SUZ12: variants seen among roughly 807,000 people sequenced by gnomAD.
SUZ12 encodes SUZ12 polycomb repressive complex 2 subunit.
In SUZ12, 17 loss-of-function variants were observed where a neutral mutation model predicts 87.3. The ratio of observed to expected loss-of-function variants is 0.19; its 90% CI spans 0.13 to 0.29. SUZ12 has a LOEUF of 0.29. Ranked by LOEUF, SUZ12 falls within the 10% of genes least tolerant of loss-of-function variation. The probability of loss-of-function intolerance (pLI) is 1.00; values close to 1 mark genes in which losing one functional copy is unlikely to be tolerated. For synonymous variants in SUZ12, 253 were observed against 312.4 expected (o/e 0.81, Z 2.01); for missense variants, 526 against 912.2 (o/e 0.58, Z 5.45).
In SUZ12 at chr17:32,001,007, T is replaced by G; in HGVS notation, c.*2004T>G. On this transcript the variant is annotated 3_prime_UTR_variant, in exon 16 of 16. Transcript: ENST00000322652. ...AAATGTTTATTTGAAATCAAATGAT[T>G]TTGTACATAAAGTTCAATAATATAA... is the stretch of plus-strand genomic sequence containing the variant. The G allele has an allele frequency of 4.8e-6, 1 of 207,540 alleles. No homozygotes were observed. Among genetic ancestry groups the G allele is most frequent in the Non-Finnish European group, 9.8e-6 (1 of 101,676 alleles). 12.9% of individuals were successfully genotyped at this position (207,540 alleles called of 1,614,324 possible).
chr17:31,997,666 C>CAAAAAAAAAAAAAAAAAAAAA (rs892389046), intron 15 of SUZ12, among the ~76,000 whole-genome samples: 4 of 70,406 alleles, frequency 5.7e-5, no homozygotes, highest in African/African-American at 1.9e-4. Context: ...ACCCTATCTC[C>CAAAAAAAAAAAAAAAAAAAAA]AAAAAAAAAA....
chr17:31,951,661 A>G (rs1361896124), intron 4 of SUZ12, among the ~76,000 whole-genome samples: 2 of 151,736 alleles, frequency 1.3e-5, no homozygotes, highest in Admixed American at 6.6e-5. Context: ...TATTTTTAGT[A>G]GAGACGGGGT....
intron 12 of SUZ12, 96 bp from the exon 13 acceptor site, chr17:31,994,468 T>C: frequency 4.1e-6 from 5 of 1,227,466 alleles, no homozygotes; most frequent in Non-Finnish European, 5.3e-6. Flanking sequence ...ATTTTAGTTT[T>C]CTAAATATTA....
chr17:31,944,802 G>T (rs1368691021), intron 3 of SUZ12, among the ~76,000 whole-genome samples: 1 of 152,150 alleles, frequency 6.6e-6, no homozygotes, highest in Middle Eastern at 3.4e-3. Flanking sequence ...TTTGTCCTGG[G>T]TGCAAGATTA....
chr17:31,999,489 A>G lies in SUZ12; in HGVS notation c.*486A>G. ...AATTGAAGGATTTTTATGAAATTAT[A>G]TTGCATTACTATTTGCAGTCAAACT... is the stretch of plus-strand genomic sequence containing the variant. On this transcript the variant is annotated 3_prime_UTR_variant, in exon 16 of 16. Coordinates refer to ENST00000322652, the MANE Select transcript of SUZ12 (RefSeq NM_015355.4). 1 of 231,380 alleles carries G rather than the reference A, an allele frequency of 4.3e-6. No homozygotes were observed. Among genetic ancestry groups the G allele is most frequent in the Non-Finnish European group, 8.6e-6 (1 of 116,940 alleles). The allele number at this position is 231,380 out of a possible 1,614,324, so 14.3% of individuals were successfully genotyped here. A position where few individuals can be genotyped will look rare whatever the true frequency, so the allele number is the denominator to read the frequency against.
intron 4 of SUZ12, among the ~76,000 whole-genome samples, chr17:31,958,177 C>A (rs1168554936): frequency 6.6e-6 from 1 of 151,916 alleles, no homozygotes; most frequent in African/African-American, 2.4e-5. Flanking sequence ...GCCGGGATTG[C>A]AGGCGTGAGC....
intron 8 of SUZ12, among the ~76,000 whole-genome samples, chr17:31,982,011 T>A (rs1218571566): frequency 6.6e-6 from 1 of 152,236 alleles, no homozygotes; most frequent in Non-Finnish European, 1.5e-5. Context: ...AGTTAATTAC[T>A]GAGCATGGTT....
intron 4 of SUZ12, among the ~76,000 whole-genome samples, chr17:31,949,949 C>T (rs535263664): frequency 1.3e-5 from 2 of 152,112 alleles, no homozygotes; most frequent in East Asian, 3.9e-4. Flanking sequence ...TCCTGAAGTG[C>T]TGGGATTACA....
chr17:31,954,489 A>G (rs1044055189), intron 4 of SUZ12, among the ~76,000 whole-genome samples: 3 of 152,102 alleles, frequency 2.0e-5, no homozygotes, highest in African/African-American at 7.2e-5. Context: ...CGTTTCATTT[A>G]TGTAGTGTGC....
intron 3 of SUZ12, among the ~76,000 whole-genome samples, chr17:31,944,511 C>T (rs112549700): frequency 0.051 from 7,693 of 152,002 alleles, 618 homozygotes; most frequent in African/African-American, 0.17. Flanking sequence ...TTCTGTTGTC[C>T]GCATGGGTAG....
At chr17:31,997,362 C>T (rs1598192551) in intron 15 of SUZ12, among the ~76,000 whole-genome samples, 1 of 152,122 alleles carries the variant, frequency 6.6e-6, no homozygotes, top group Non-Finnish European at 1.5e-5. Context: ...GACTCGTTCA[C>T]ACTCAAAACA....
chr17:31,994,387 T>TA, intron 12 of SUZ12, 177 bp from the exon 13 acceptor site: 3 of 500,190 alleles, frequency 6.0e-6, no homozygotes, highest in Non-Finnish European at 1.0e-5. Flanking sequence ...ATGACATAGT[T>TA]AAGATTTTAA....
chr17:31,940,188 C>T (rs1168529946), intron 1 of SUZ12, 98 bp from the exon 2 acceptor site: 1 of 1,507,314 alleles, frequency 6.6e-7, no homozygotes, highest in Non-Finnish European at 8.9e-7. Context: ...ATTTCCATAG[C>T]AGATGATAAG....
intron 9 of SUZ12, among the ~76,000 whole-genome samples, chr17:31,984,629 G>A (rs928192317): frequency 2.0e-5 from 3 of 152,116 alleles, no homozygotes; most frequent in Admixed American, 6.6e-5. Flanking sequence ...TATAAAACAA[G>A]AAAAAGATAC....
At chr17:31,956,442 A>G (rs780618485) in intron 4 of SUZ12, among the ~76,000 whole-genome samples, 61 of 151,666 alleles carry the variant, frequency 4.0e-4, no homozygotes, top group Non-Finnish European at 4.7e-4. Context: ...GCCCACCTCA[A>G]CCTCCCAAAC....
chr17:31,991,771 GT>G (rs989375052), intron 10 of SUZ12, among the ~76,000 whole-genome samples: 1 of 151,394 alleles, frequency 6.6e-6, no homozygotes, highest in Non-Finnish European at 1.5e-5. Flanking sequence ...TGCCTGGCTA[GT>G]TTTTTTTCAT....
At chr17:31,973,087 A>T (rs1908531953) in intron 5 of SUZ12, 59 bp from the exon 6 acceptor site, 1 of 1,452,210 alleles carries the variant, frequency 6.9e-7, no homozygotes, top group Non-Finnish European at 9.2e-7. Flanking sequence ...TGTTAGCAAA[A>T]TGAATACCTT....
chr17:31,999,154 T>G lies in SUZ12; in HGVS notation c.*151T>G, dbSNP rs1425748035. 2 of 600,982 alleles carry G rather than the reference T, an allele frequency of 3.3e-6. No homozygotes were observed. The highest frequency in any genetic ancestry group is 3.7e-5 in the African/African-American group (2 of 53,346). 37.2% of individuals were successfully genotyped at this position (600,982 alleles called of 1,614,324 possible). ...TTCAACAAGGATATTTGTATCAGGGTTCTACTTCACTTCATTATGCAGCAT... is the reference window on the plus strand; with the variant it reads ...TTCAACAAGGATATTTGTATCAGGGGTCTACTTCACTTCATTATGCAGCAT... On this transcript the variant is annotated 3_prime_UTR_variant, in exon 16 of 16. Transcript: ENST00000322652.
intron 10 of SUZ12, among the ~76,000 whole-genome samples, chr17:31,989,663 A>G (rs371565333): frequency 5.0e-4 from 76 of 152,128 alleles, no homozygotes; most frequent in African/African-American, 1.7e-3. Context: ...CAGTGGCTTA[A>G]TCTCGGCTCA....
Sources: allele counts gnomAD v4.1 joint callset (sites outside exome capture counted in the v4.1 genomes callset), GRCh38; gene constraint gnomAD v4.1.1; transcripts MANE v1.5; gene names NCBI Gene and HGNC (gene_info 2026-07-23, HGNC 2026-07-21).